Variants in SEMA4D observed in about 807,000 individuals in gnomAD.
The protein encoded by SEMA4D is semaphorin-4D.
SEMA4D carries 22 observed loss-of-function variants against 74.8 expected under a neutral mutation model. The ratio of observed to expected loss-of-function variants is 0.29; its 90% confidence interval spans 0.21 to 0.42. SEMA4D has a LOEUF of 0.42. SEMA4D is among the 10% of genes least tolerant of loss of function. The pLI, the probability that SEMA4D is intolerant of heterozygous loss-of-function variation, is 1.00. For synonymous variants in SEMA4D, 445 were observed against 463.7 expected, an observed-to-expected ratio of 0.96 and a Z score of 0.52; for missense variants, 937 against 1,118.4, an observed-to-expected ratio of 0.84 and a Z score of 2.31.
intron 1 of SEMA4D, among the ~76,000 whole-genome samples, chr9:89,481,362 A>G (rs1279340707): frequency 3.3e-5 from 5 of 152,194 alleles, no homozygotes; most frequent in South Asian, 2.1e-4. Context: ...TCACAGCAGG[A>G]CTGGAAACAG....
chr9:89,403,560 T>C (rs893136948), intron 3 of SEMA4D, among the ~76,000 whole-genome samples: 2 of 152,226 alleles, frequency 1.3e-5, no homozygotes, highest in Admixed American at 6.5e-5. Flanking sequence ...CACAAACTTA[T>C]AGACAGAGAA....
intron 16 of SEMA4D, among the ~76,000 whole-genome samples, chr9:89,371,872 G>T (rs1471251449): frequency 2.1e-5 from 1 of 46,698 alleles, no homozygotes; most frequent in Non-Finnish European, 4.3e-5. Context: ...TGTGTGGGGG[G>T]GTGTGATGTG....
intron 13 of SEMA4D, chr9:89,384,896 G>A (rs1838085228): frequency 1.0e-6 from 1 of 985,318 alleles, no homozygotes; most frequent in Admixed American, 6.1e-5. Context: ...GGAGCCTACT[G>A]AGGCCCAAGG....
chr9:89,453,214 CCA>C (rs1215434307), intron 2 of SEMA4D, among the ~76,000 whole-genome samples: 1 of 152,186 alleles, frequency 6.6e-6, no homozygotes, highest in Non-Finnish European at 1.5e-5. Context: ...TGGGCAGCAC[CCA>C]CACAGTGCAC....
chr9:89,378,881 C>A lies in SEMA4D; in HGVS notation c.2412G>T (p.Gly804=), dbSNP rs780100499. 1.9e-6 allele frequency: 3 copies of A among 1,614,170 alleles called. No homozygotes were observed. Among genetic ancestry groups the A allele is most frequent in the African/African-American group, 2.7e-5 (2 of 75,034 alleles). The change falls in exon 16 of 16, where the codon GGG becomes GGT. Residue 804 remains glycine (G), a synonymous_variant. Coordinates refer to ENST00000422704, the MANE Select transcript of SEMA4D (RefSeq NM_001371194.2). ...TGTCCAGGGCTGGCTTGGGGTGCTC[C>A]CCATTCTGCTGGGAGAAGCTCCCTG... ...VEPGSFSQQN[G]EHPKPALDTG...
chr9:89,405,027 C>T (rs1456617435), intron 3 of SEMA4D, among the ~76,000 whole-genome samples: 1 of 143,750 alleles, frequency 7.0e-6, no homozygotes, highest in Non-Finnish European at 1.5e-5. Context: ...GTCCCCATCC[C>T]ATCCTCAGCC....
At position 89,489,644 on chromosome 9, in the gene SEMA4D, G is replaced by GT. The variant is rs535007739; in HGVS notation, c.-310+8274dup. Among the ~76,000 whole-genome samples, 225 of 152,346 alleles carry GT rather than the reference G, an allele frequency of 1.5e-3. 1 individual carries two copies. Among genetic ancestry groups the GT allele is most frequent in the African/African-American group, 5.1e-3 (213 of 41,576 alleles). On this transcript the variant is annotated intron_variant, in intron 1 of 15. Transcript: ENST00000422704. ...CCTGGCTACCTTCACTTAGAATAAT[G>GT]TTTTTGAGGTGAATTCACATTGTAG...
chr9:89,481,798 G>T (rs1280114380), intron 1 of SEMA4D, among the ~76,000 whole-genome samples: 1 of 152,220 alleles, frequency 6.6e-6, no homozygotes, highest in East Asian at 1.9e-4. Flanking sequence ...GTGAGCAGGG[G>T]GCCCCAGGGC....
At chr9:89,495,409 C>A (rs1825931017) in intron 1 of SEMA4D, among the ~76,000 whole-genome samples, 1 of 152,168 alleles carries the variant, frequency 6.6e-6, no homozygotes, top group African/African-American at 2.4e-5. Context: ...GAATCAGCAG[C>A]TATCTCCTCC....
intron 1 of SEMA4D, among the ~76,000 whole-genome samples, chr9:89,462,419 TC>T (rs1334271119): frequency 5.9e-5 from 9 of 152,170 alleles, no homozygotes; most frequent in Non-Finnish European, 1.3e-4. Context: ...CCAATGCTCT[TC>T]CTTTATAACA....
intron 2 of SEMA4D, among the ~76,000 whole-genome samples, chr9:89,449,330 G>A (rs1243157658): frequency 6.6e-6 from 1 of 152,244 alleles, no homozygotes; most frequent in Non-Finnish European, 1.5e-5. Context: ...GAGCAGGAGA[G>A]GAAGTCAAAT....
downstream of SEMA4D, among the ~76,000 whole-genome samples, chr9:89,375,737 T>G (rs555097277): frequency 6.6e-6 from 1 of 152,322 alleles, no homozygotes; most frequent in South Asian, 2.1e-4. Flanking sequence ...GGATACATCT[T>G]TGAAGTGTGG....
chr9:89,363,192 C>G (rs1213379503), intron 18 of SEMA4D, among the ~76,000 whole-genome samples: 1 of 152,230 alleles, frequency 6.6e-6, no homozygotes, highest in Non-Finnish European at 1.5e-5. Flanking sequence ...AGTCTCGCCT[C>G]CCTTCAGTCT....
At chr9:89,445,228 G>C (rs767641524) in intron 2 of SEMA4D, among the ~76,000 whole-genome samples, 8 of 152,348 alleles carry the variant, frequency 5.3e-5, no homozygotes, top group Non-Finnish European at 1.2e-4. Context: ...ACAAGGAAGA[G>C]ACACACGCTC....
chr9:89,455,485 C>A (rs886621546), intron 2 of SEMA4D, among the ~76,000 whole-genome samples: 1 of 152,182 alleles, frequency 6.6e-6, no homozygotes, highest in Non-Finnish European at 1.5e-5. Context: ...AATATGAACT[C>A]CTAGGCGCAC....
chr9:89,374,558 C>T (rs1169175029), downstream of SEMA4D, among the ~76,000 whole-genome samples: 5 of 152,236 alleles, frequency 3.3e-5, no homozygotes, highest in Non-Finnish European at 7.3e-5. Context: ...CACCTTCCCA[C>T]TGTTCCCAGC....
chr9:89,396,005 T>C (rs376877519), intron 6 of SEMA4D, among the ~76,000 whole-genome samples: 2 of 152,224 alleles, frequency 1.3e-5, no homozygotes, highest in Non-Finnish European at 2.9e-5. Flanking sequence ...TCTCCCTCTC[T>C]GATGATCATC....
intron 2 of SEMA4D, among the ~76,000 whole-genome samples, chr9:89,445,912 C>G (rs1025673701): frequency 6.6e-6 from 1 of 152,142 alleles, no homozygotes; most frequent in Non-Finnish European, 1.5e-5. Flanking sequence ...GCAGGCTCAG[C>G]TGGAGGTGCC....
At chr9:89,403,113 AAT>A in intron 3 of SEMA4D, 97 bp from the exon 4 acceptor site, 1 of 1,385,078 alleles carries the variant, frequency 7.2e-7, no homozygotes, top group Non-Finnish European at 1.0e-6. Flanking sequence ...TCTCAGTGAC[AAT>A]GAGCACGTCT....
Sources: allele counts gnomAD v4.1 joint callset (sites outside exome capture counted in the v4.1 genomes callset), GRCh38; gene constraint gnomAD v4.1.1; transcripts MANE v1.5; gene names NCBI Gene and HGNC (gene_info 2026-07-23, HGNC 2026-07-21).